The following TCF7L1 variants were observed in gnomAD, a reference collection of about 807,000 sequenced individuals.
TCF7L1 encodes the protein transcription factor 7 like 1.
In TCF7L1, 18 loss-of-function variants were observed where a neutral mutation model predicts 63.7. That is an observed-to-expected ratio of 0.28 (90% CI 0.20 to 0.42). The LOEUF (loss-of-function observed/expected upper bound fraction) is 0.42. Ranked by LOEUF, TCF7L1 falls within the 10% of genes least tolerant of loss-of-function variation. TCF7L1 has a pLI of 1.00. For missense variants in TCF7L1, 654 were observed against 779.3 expected, an observed-to-expected ratio of 0.84 and a Z score of 1.91; for synonymous variants, 355 against 340.9, an observed-to-expected ratio of 1.04 and a Z score of -0.46.
At chr2:85,201,596 G>A (rs1224156794) in intron 3 of TCF7L1, among the ~76,000 whole-genome samples, 2 of 152,172 alleles carry the variant, frequency 1.3e-5, no homozygotes, top group Non-Finnish European at 2.9e-5. Context: ...AACCTGTTTT[G>A]TTCAAGGGTC....
chr2:85,279,195 C>T (rs1199735967), intron 3 of TCF7L1, among the ~76,000 whole-genome samples: 1 of 152,222 alleles, frequency 6.6e-6, no homozygotes, highest in African/African-American at 2.4e-5. Flanking sequence ...TCACTTACTT[C>T]CCCAAGGACA....
chr2:85,262,849 G>A (rs908386232), intron 3 of TCF7L1, among the ~76,000 whole-genome samples: 46 of 152,276 alleles, frequency 3.0e-4, no homozygotes, highest in African/African-American at 1.1e-3. Flanking sequence ...ACCCAAGAGC[G>A]GGGAACTAGA....
intron 3 of TCF7L1, among the ~76,000 whole-genome samples, chr2:85,279,097 A>T (rs1681354281): frequency 1.3e-5 from 2 of 152,250 alleles, no homozygotes; most frequent in South Asian, 4.1e-4. Context: ...AGCCAGTTAA[A>T]TGTAGCCTAG....
intron 4 of TCF7L1, among the ~76,000 whole-genome samples, chr2:85,299,360 G>T (rs1343484351): frequency 6.6e-6 from 1 of 151,726 alleles, no homozygotes; most frequent in Non-Finnish European, 1.5e-5. Flanking sequence ...AACCAGCCTG[G>T]CCAACATGGT....
intron 3 of TCF7L1, among the ~76,000 whole-genome samples, chr2:85,162,242 AAAAT>A (rs1340272991): frequency 6.6e-6 from 1 of 152,136 alleles, no homozygotes; most frequent in Non-Finnish European, 1.5e-5. Flanking sequence ...TCTCTCAAAA[AAAAT>A]AAATAAATAA....
intron 3 of TCF7L1, among the ~76,000 whole-genome samples, chr2:85,282,800 G>GTGTA (rs1165668112): frequency 9.1e-6 from 1 of 109,994 alleles, no homozygotes; most frequent in Non-Finnish European, 2.1e-5. Flanking sequence ...GAGATTGTGT[G>GTGTA]TGTGTGTGTG....
At chr2:85,186,124 G>A (rs1042292041) in intron 3 of TCF7L1, among the ~76,000 whole-genome samples, 1 of 151,972 alleles carries the variant, frequency 6.6e-6, no homozygotes, top group South Asian at 2.1e-4. Flanking sequence ...CTGCCACCAC[G>A]CCTGGCTAGT....
intron 3 of TCF7L1, among the ~76,000 whole-genome samples, chr2:85,236,931 G>C (rs1483966575): frequency 6.6e-6 from 1 of 152,148 alleles, no homozygotes; most frequent in East Asian, 1.9e-4. Flanking sequence ...GAGGGCATCA[G>C]CTCTTTGCAT....
At chr2:85,279,761 C>T (rs1424186945) in intron 3 of TCF7L1, among the ~76,000 whole-genome samples, 2 of 152,206 alleles carry the variant, frequency 1.3e-5, no homozygotes, top group Non-Finnish European at 2.9e-5. Context: ...CCTCCCTACA[C>T]ACCGCCCCTG....
intron 3 of TCF7L1, among the ~76,000 whole-genome samples, chr2:85,140,780 T>G (rs1317476043): frequency 6.6e-6 from 1 of 151,980 alleles, no homozygotes; most frequent in Non-Finnish European, 1.5e-5. Context: ...AGAATTGCTT[T>G]AACCTGGGAG....
chr2:85,236,202 C>T (rs1415496910), intron 3 of TCF7L1, among the ~76,000 whole-genome samples: 1 of 152,056 alleles, frequency 6.6e-6, no homozygotes, highest in Non-Finnish European at 1.5e-5. Flanking sequence ...AGACTCATGC[C>T]AAGATGGCTT....
intron 3 of TCF7L1, among the ~76,000 whole-genome samples, chr2:85,196,537 A>ATT (rs111548214): frequency 2.8e-4 from 40 of 143,044 alleles, no homozygotes; most frequent in African/African-American, 9.5e-4. Flanking sequence ...CATCAGGACT[A>ATT]TTTTTTTTTT....
chr2:85,211,313 G>C (rs2104289644), intron 3 of TCF7L1, among the ~76,000 whole-genome samples: 1 of 152,348 alleles, frequency 6.6e-6, no homozygotes, highest in African/African-American at 2.4e-5. Flanking sequence ...TGTGTGCACA[G>C]CACTGCCCCT....
At chr2:85,157,445 G>A (rs1475598264) in intron 3 of TCF7L1, among the ~76,000 whole-genome samples, 1 of 152,200 alleles carries the variant, frequency 6.6e-6, no homozygotes, top group Non-Finnish European at 1.5e-5. Context: ...TCAAGGCCCA[G>A]AGAGGTCAAG....
intron 3 of TCF7L1, among the ~76,000 whole-genome samples, chr2:85,214,332 T>C (rs1679643508): frequency 6.6e-6 from 1 of 152,202 alleles, no homozygotes; most frequent in Non-Finnish European, 1.5e-5. Context: ...GGGGCAGTCT[T>C]AGTCACCAGG....
chr2:85,215,258 G>A (rs529537512), intron 3 of TCF7L1, among the ~76,000 whole-genome samples: 79 of 152,284 alleles, frequency 5.2e-4, no homozygotes, highest in African/African-American at 1.9e-3. Context: ...TACCTGTAAC[G>A]TGCTCCACCC....
At chr2:85,236,237 A>G (rs1680189781) in intron 3 of TCF7L1, among the ~76,000 whole-genome samples, 1 of 151,758 alleles carries the variant, frequency 6.6e-6, no homozygotes, top group South Asian at 2.1e-4. Flanking sequence ...TGAGTTATTC[A>G]CTCAAGCCCG....
intron 5 of TCF7L1, among the ~76,000 whole-genome samples, chr2:85,302,880 G>C (rs1430416060): frequency 6.6e-6 from 1 of 151,976 alleles, no homozygotes; most frequent in Non-Finnish European, 1.5e-5. Flanking sequence ...CATAGGCAGT[G>C]TGTGGGGTGG....
intron 4 of TCF7L1, among the ~76,000 whole-genome samples, chr2:85,297,376 G>A (rs1015709620): frequency 3.9e-5 from 6 of 152,134 alleles, no homozygotes; most frequent in African/African-American, 7.2e-5. Context: ...TGACCCATCC[G>A]TACAGACCCT....
Sources: gnomAD v4.1 joint callset for allele counts (sites outside exome capture counted in the v4.1 genomes callset) on GRCh38, gnomAD v4.1.1 for gene constraint, MANE v1.5 for transcripts, NCBI Gene and HGNC (gene_info 2026-07-23, HGNC 2026-07-21) for gene names.